DLC1: variants seen among roughly 807,000 people sequenced by gnomAD.
The protein encoded by DLC1 is DLC1 Rho GTPase activating protein.
Under a neutral mutation model 140.3 loss-of-function variants are expected in DLC1, and 54 were observed. The observed-to-expected ratio is 0.38, with a 90% confidence interval of 0.31 to 0.48. DLC1 has a LOEUF of 0.48. DLC1 is among the 20% of genes least tolerant of loss of function. The probability of loss-of-function intolerance (pLI) is 0.96; values close to 1 mark genes in which losing one functional copy is unlikely to be tolerated. For missense variants in DLC1, 2,536 were observed against 1,907.0 expected (o/e 1.33, Z -6.14); for synonymous variants, 986 against 728.1 (o/e 1.35, Z -5.70).
At chr8:13,446,988 G>T (rs74678829) in intron 2 of DLC1, among the ~76,000 whole-genome samples, 9,753 of 151,662 alleles carry the variant, frequency 0.064, 518 homozygotes, top group African/African-American at 0.15. Context: ...AAGAAGGAAG[G>T]GAAGAAGGGT....
chr8:13,162,184 AGAG>A (rs921404658), intron 5 of DLC1, among the ~76,000 whole-genome samples: 47 of 152,314 alleles, frequency 3.1e-4, no homozygotes, highest in African/African-American at 1.1e-3. Context: ...GAGAAACATA[AGAG>A]GAGATCAGGA....
At chr8:13,181,327 CT>C (rs1826022305) in intron 5 of DLC1, among the ~76,000 whole-genome samples, 3 of 143,502 alleles carry the variant, frequency 2.1e-5, no homozygotes, top group Non-Finnish European at 4.6e-5. Context: ...TTTTTTTTTT[CT>C]TTCTTTCTTT....
chr8:13,091,616 C>T (rs1480669519), intron 13 of DLC1, among the ~76,000 whole-genome samples, 184 bp from the exon 14 acceptor site: 1 of 151,970 alleles, frequency 6.6e-6, no homozygotes, highest in Admixed American at 6.6e-5. Flanking sequence ...GTCAACAACA[C>T]ACAAAAAAAC....
intron 4 of DLC1, among the ~76,000 whole-genome samples, chr8:13,314,459 C>G (rs959357755): frequency 1.3e-5 from 2 of 151,818 alleles, no homozygotes; most frequent in Non-Finnish European, 2.9e-5. Flanking sequence ...TATTGTCAAT[C>G]TATTTGTTTT....
At chr8:13,238,831 C>T (rs990928395) in intron 5 of DLC1, among the ~76,000 whole-genome samples, 5 of 152,136 alleles carry the variant, frequency 3.3e-5, no homozygotes, top group Admixed American at 1.3e-4. Flanking sequence ...CTCTCTGACG[C>T]GTGCTTCCAG....
chr8:13,405,907 C>CTT (rs1405383806), intron 2 of DLC1, among the ~76,000 whole-genome samples: 5 of 86,320 alleles, frequency 5.8e-5, no homozygotes, highest in African/African-American at 8.4e-5. Flanking sequence ...CTTTTTCTTT[C>CTT]TTTCTTTTCT....
chr8:13,358,116 CT>C (rs1835034078), intron 4 of DLC1, among the ~76,000 whole-genome samples: 1 of 152,080 alleles, frequency 6.6e-6, no homozygotes, highest in South Asian at 2.1e-4. Context: ...TTCTGTTTTG[CT>C]TTATAACAAA....
intron 5 of DLC1, among the ~76,000 whole-genome samples, chr8:13,238,654 G>C (rs77982885): frequency 3.9e-5 from 6 of 152,090 alleles, no homozygotes; most frequent in Non-Finnish European, 7.3e-5. Flanking sequence ...AGGACTTGGC[G>C]ATCTGAGGAT....
At chr8:13,415,892 A>G (rs1194909810) in intron 2 of DLC1, among the ~76,000 whole-genome samples, 1 of 152,172 alleles carries the variant, frequency 6.6e-6, no homozygotes, top group African/African-American at 2.4e-5. Flanking sequence ...TTTCACCCCA[A>G]GAAGTCCAAC....
At chr8:13,253,475 T>C (rs961836640) in intron 5 of DLC1, among the ~76,000 whole-genome samples, 1 of 152,084 alleles carries the variant, frequency 6.6e-6, no homozygotes, top group Non-Finnish European at 1.5e-5. Context: ...TGTTTAGATA[T>C]GTGCATAGGT....
intron 2 of DLC1, among the ~76,000 whole-genome samples, chr8:13,450,452 C>CAAAAAAAAA (rs759911909): frequency 3.7e-5 from 2 of 53,362 alleles, no homozygotes; most frequent in African/African-American, 7.6e-5. Context: ...GAGACTGTCT[C>CAAAAAAAAA]AAAAAAAAAA....
chr8:13,569,076 G>A (rs1271516128), intron 1 of DLC1, among the ~76,000 whole-genome samples: 1 of 152,140 alleles, frequency 6.6e-6, no homozygotes, highest in East Asian at 1.9e-4. Context: ...ATGTAATGAG[G>A]AAACAGTATT....
At position 13,365,186 on chromosome 8, in the gene DLC1, T is replaced by C. The variant is rs972808877; in HGVS notation, c.1314+28367A>G. 2.6e-5 allele frequency among the ~76,000 whole-genome samples: 4 copies of C among 152,202 alleles called. No individual in the cohort carries two copies. In the East Asian group the frequency reaches 7.7e-4, roughly 29 times the overall value. On this transcript the variant is annotated intron_variant, in intron 4 of 17. Transcript: ENST00000276297. ...CTTTGCACAGGTCGAGAGAATACCC[T>C]GTAGGGATTCCTTTGTGGACTTAAA... is the stretch of plus-strand genomic sequence containing the variant.
chr8:13,408,400 C>T (rs1394596302), intron 2 of DLC1, among the ~76,000 whole-genome samples: 2 of 152,156 alleles, frequency 1.3e-5, no homozygotes, highest in Non-Finnish European at 2.9e-5. Flanking sequence ...CTTATTAAGA[C>T]ATGTTGAAGA....
chr8:13,307,113 G>C (rs1832472549), intron 4 of DLC1, among the ~76,000 whole-genome samples: 1 of 145,766 alleles, frequency 6.9e-6, no homozygotes, highest in African/African-American at 2.5e-5. Flanking sequence ...AAAAGGTAGA[G>C]ATGGGGGGAG....
At chr8:13,402,036 A>T (rs1837322853) in intron 2 of DLC1, among the ~76,000 whole-genome samples, 1 of 151,990 alleles carries the variant, frequency 6.6e-6, no homozygotes, top group Non-Finnish European at 1.5e-5. Flanking sequence ...TTTTTGGAAG[A>T]CTCTTTTGCA....
At chr8:13,307,683 C>T (rs559842180) in intron 4 of DLC1, among the ~76,000 whole-genome samples, 2 of 152,282 alleles carry the variant, frequency 1.3e-5, no homozygotes, top group Non-Finnish European at 1.5e-5. Context: ...GGAGAAAGTT[C>T]CTCAGGATAA....
At chr8:13,130,508 A>G (rs1055866023) in intron 5 of DLC1, among the ~76,000 whole-genome samples, 16 of 152,252 alleles carry the variant, frequency 1.1e-4, no homozygotes, top group African/African-American at 3.1e-4. Context: ...CAACAAAAAA[A>G]CATGCAAACA....
chr8:13,419,708 T>G (rs1283162025), intron 2 of DLC1, among the ~76,000 whole-genome samples: 1 of 152,092 alleles, frequency 6.6e-6, no homozygotes, highest in East Asian at 1.9e-4. Context: ...GCTTTGGTAT[T>G]AGGATGATGC....
Sources: allele counts gnomAD v4.1 joint callset (sites outside exome capture counted in the v4.1 genomes callset), GRCh38; gene constraint gnomAD v4.1.1; transcripts MANE v1.5; gene names NCBI Gene and HGNC (gene_info 2026-07-23, HGNC 2026-07-21).